Variants in INVS observed in about 807,000 individuals in gnomAD.
The protein encoded by INVS is inversion of embryo turning homolog.
A neutral mutation model predicts 108.8 loss-of-function variants in INVS; 86 were observed. The ratio of observed to expected loss-of-function variants is 0.79; its 90% CI spans 0.66 to 0.95. The LOEUF (loss-of-function observed/expected upper bound fraction) is 0.95. INVS is among the 40% of genes least tolerant of loss of function. INVS has a pLI of 0.00. For synonymous variants in INVS, 455 were observed against 473.5 expected (o/e 0.96, Z 0.51); for missense variants, 1,169 against 1,297.4 (o/e 0.90, Z 1.52).
At chr9:100,298,057 G>C (rs1833841910) in intron 16 of INVS, 47 bp downstream of exon 16, 1 of 1,613,830 alleles carries the variant, frequency 6.2e-7, no homozygotes, top group Non-Finnish European at 8.5e-7. Flanking sequence ...ACATGGGGAA[G>C]CATTTTCCTT....
intron 3 of INVS, among the ~76,000 whole-genome samples, chr9:100,189,368 A>C (rs1830153894): frequency 6.9e-6 from 1 of 145,598 alleles, no homozygotes. Context: ...TGATTTAGGC[A>C]TTTAGTGCTA....
At chr9:100,289,325 T>C (rs1399920186) in intron 13 of INVS, among the ~76,000 whole-genome samples, 2 of 152,262 alleles carry the variant, frequency 1.3e-5, no homozygotes, top group Admixed American at 1.3e-4. Flanking sequence ...CAGCAGTCTC[T>C]TCATTGCCTT....
chr9:100,203,606 G>T (rs543439687), intron 3 of INVS, among the ~76,000 whole-genome samples: 3 of 148,398 alleles, frequency 2.0e-5, no homozygotes, highest in African/African-American at 7.5e-5. Flanking sequence ...CAGTTCAAGC[G>T]ATTCTCCTGC....
intron 14 of INVS, among the ~76,000 whole-genome samples, chr9:100,295,444 ATT>A (rs1160552850): frequency 6.6e-6 from 1 of 152,130 alleles, no homozygotes; most frequent in African/African-American, 2.4e-5. Context: ...ATTCTATTAT[ATT>A]TTAACTACAT....
At chr9:100,256,657 C>T (rs1265501177) in intron 10 of INVS, among the ~76,000 whole-genome samples, 1 of 152,064 alleles carries the variant, frequency 6.6e-6, no homozygotes, top group Non-Finnish European at 1.5e-5. Flanking sequence ...TTATTTCTGC[C>T]TTCATTTTGT....
chr9:100,229,773 C>G lies in INVS; in HGVS notation c.561C>G (p.His187Gln), dbSNP rs773491993. 1.9e-6 allele frequency: 3 copies of G among 1,614,168 alleles called. No individual in the cohort carries two copies. The highest frequency in any genetic ancestry group is 1.3e-5 in the African/African-American group (1 of 75,056). ...IPDVEGKIPL[H>Q]WAANHKDPSA... ...ATGTTGAAGGCAAGATCCCACTTCA[C>G]TGGGCAGCCAACCATAAAGATCCAA... The change falls in exon 5 of 17, where the codon CAC (histidine) becomes CAG (glutamine). Residue 187 changes from histidine (H) to glutamine (Q), a missense_variant. His to Gln is a conservative substitution (Grantham distance 24). This residue lies in a region of INVS where 365 missense variants were observed against 397.5 expected (regional missense o/e 0.92). Coordinates refer to ENST00000262457, the MANE Select transcript of INVS (RefSeq NM_014425.5).
intron 3 of INVS, among the ~76,000 whole-genome samples, chr9:100,142,072 G>A (rs1034788488): frequency 5.9e-5 from 9 of 152,174 alleles, no homozygotes; most frequent in African/African-American, 2.2e-4. Flanking sequence ...CAGCGTAAGC[G>A]TCGCCTAGAG....
intron 3 of INVS, among the ~76,000 whole-genome samples, chr9:100,220,601 T>C (rs959775300): frequency 3.9e-5 from 6 of 152,186 alleles, no homozygotes; most frequent in African/African-American, 1.2e-4. Flanking sequence ...TTCGCTCTTA[T>C]ACTATTTCCT....
chr9:100,148,120 G>A (rs909471103), intron 3 of INVS, among the ~76,000 whole-genome samples: 2 of 151,920 alleles, frequency 1.3e-5, no homozygotes, highest in African/African-American at 4.8e-5. Flanking sequence ...GCTGTAGTGA[G>A]CTATGATTGT....
intron 10 of INVS, among the ~76,000 whole-genome samples, chr9:100,264,404 G>T (rs1313103022): frequency 6.6e-6 from 1 of 152,022 alleles, no homozygotes; most frequent in African/African-American, 2.4e-5. Context: ...GATCACCTGA[G>T]GTCAGGAGTT....
intron 3 of INVS, among the ~76,000 whole-genome samples, chr9:100,141,611 A>C (rs1471620950): frequency 6.6e-6 from 1 of 152,134 alleles, no homozygotes; most frequent in Non-Finnish European, 1.5e-5. Flanking sequence ...GTCTACCTAG[A>C]CTAAGAGGTA....
At chr9:100,151,779 G>A (rs2118983164) in intron 3 of INVS, among the ~76,000 whole-genome samples, 1 of 152,178 alleles carries the variant, frequency 6.6e-6, no homozygotes, top group African/African-American at 2.4e-5. Flanking sequence ...TTCTCATCCT[G>A]ATCATTTTCA....
At chr9:100,175,712 G>T in intron 3 of INVS, 1 of 629,028 alleles carries the variant, frequency 1.6e-6, no homozygotes. Context: ...ACATGTCTGG[G>T]AACCTTTCAA....
intron 3 of INVS, among the ~76,000 whole-genome samples, chr9:100,150,615 T>C (rs1414741002): frequency 6.6e-6 from 1 of 152,200 alleles, no homozygotes; most frequent in Non-Finnish European, 1.5e-5. Flanking sequence ...AATTTGAGCA[T>C]TAATTTTCTA....
rs1403063563 is a variant in INVS, at chr9:100,100,621, T to TAC, written c.-25+1206_-25+1207insCA. Among the ~76,000 whole-genome samples, 184 of 73,404 alleles carry TAC rather than the reference T, an allele frequency of 2.5e-3. 5 individuals carry two copies. Among genetic ancestry groups the TAC allele is most frequent in the Non-Finnish European group, 3.7e-3 (158 of 42,330 alleles). 48.2% of individuals were successfully genotyped at this position (73,404 alleles called of 152,430 possible). ...GTACATATAATATATATAATATATG[T>TAC]ATATATAATATATATATTATATATG... On this transcript the variant is annotated intron_variant, in intron 1 of 16. Transcript: ENST00000262457.
intron 3 of INVS, among the ~76,000 whole-genome samples, chr9:100,139,363 A>C (rs1038453631): frequency 4.6e-5 from 7 of 152,156 alleles, no homozygotes; most frequent in Admixed American, 1.3e-4. Flanking sequence ...TTTCTGCCCC[A>C]AGATAAAAGT....
At chr9:100,207,531 G>A (rs1830710539) in intron 3 of INVS, among the ~76,000 whole-genome samples, 1 of 152,056 alleles carries the variant, frequency 6.6e-6, no homozygotes, top group Non-Finnish European at 1.5e-5. Context: ...GACCTCAGGT[G>A]ATTCACCTGC....
At chr9:100,273,144 G>T (rs999400113) in intron 12 of INVS, 68 bp downstream of exon 12, 31 of 1,210,560 alleles carry the variant, frequency 2.6e-5, no homozygotes, top group African/African-American at 9.0e-5. Context: ...GGTGTGGGGG[G>T]TGCTGGGGTG....
In INVS at chr9:100,264,895, C is replaced by G. The variant is rs1832738999; in HGVS notation, c.1538C>G (p.Ala513Gly). ...ATTAAATTACTGCTAGACTTTGCTG[C>G]TTTCCCTAATCAGATGGAAAACAAT... ...DAIKLLLDFA[A>G]FPNQMENNEE... is the part of the protein sequence containing the mutation. The change falls in exon 11 of 17, where the codon GCT becomes GGT. Residue 513 changes from alanine (A) to glycine (G), a missense_variant. This residue lies in a region of INVS where 271 missense variants were observed against 363.8 expected (regional missense o/e 0.74). Coordinates refer to ENST00000262457, the MANE Select transcript of INVS (RefSeq NM_014425.5). The G allele has an allele frequency of 6.2e-7, 1 of 1,611,292 alleles. No homozygotes were observed. Among genetic ancestry groups the G allele is most frequent in the Non-Finnish European group, 8.5e-7 (1 of 1,178,522 alleles).
Sources: gnomAD v4.1 joint callset for allele counts (sites outside exome capture counted in the v4.1 genomes callset) on GRCh38, gnomAD v4.1.1 for gene constraint, gnomAD v4.1.1 regional missense constraint, MANE v1.5 for transcripts, NCBI Gene and HGNC (gene_info 2026-07-23, HGNC 2026-07-21) for gene names.